PIK3R4: variants seen among roughly 807,000 people sequenced by gnomAD.
PIK3R4 encodes phosphoinositide 3-kinase regulatory subunit 4.
Under a neutral mutation model 136.5 loss-of-function variants are expected in PIK3R4, and 46 were observed. That is an observed-to-expected ratio of 0.34 (90% confidence interval 0.27 to 0.43). The LOEUF is 0.43. Ranked by LOEUF, PIK3R4 falls within the 20% of genes least tolerant of loss-of-function variation. The probability of loss-of-function intolerance (pLI) is 1.00; values close to 1 mark genes in which losing one functional copy is unlikely to be tolerated. For missense variants in PIK3R4, 1,331 were observed against 1,649.5 expected (o/e 0.81, Z 3.35); for synonymous variants, 557 against 566.7 (o/e 0.98, Z 0.24).
At chr3:130,745,832 G>T (rs2066849899) in intron 1 of PIK3R4, among the ~76,000 whole-genome samples, 1 of 152,158 alleles carries the variant, frequency 6.6e-6, no homozygotes, top group Admixed American at 6.5e-5. Context: ...GACGGGGCTG[G>T]CCAACATGGT....
At chr3:130,707,429 T>C (rs1039846265) in intron 10 of PIK3R4, among the ~76,000 whole-genome samples, 2 of 152,196 alleles carry the variant, frequency 1.3e-5, no homozygotes, top group East Asian at 3.8e-4. Flanking sequence ...ATCTAGTGAA[T>C]AGTAAGAAAA....
intron 2 of PIK3R4, among the ~76,000 whole-genome samples, chr3:130,742,748 C>T (rs1333789817): frequency 6.6e-6 from 1 of 152,072 alleles, no homozygotes; most frequent in Non-Finnish European, 1.5e-5. Context: ...AACCTACAAG[C>T]AAGAAAAAAA....
At chr3:130,736,528 G>T (rs576914769) in intron 2 of PIK3R4, among the ~76,000 whole-genome samples, 1 of 152,134 alleles carries the variant, frequency 6.6e-6, no homozygotes, top group Non-Finnish European at 1.5e-5. Flanking sequence ...AGGCTGCAAT[G>T]AGCCAAGATC....
At chr3:130,679,716 C>T (rs912294045) in intron 19 of PIK3R4, among the ~76,000 whole-genome samples, 8 of 152,100 alleles carry the variant, frequency 5.3e-5, no homozygotes, top group African/African-American at 1.4e-4. Flanking sequence ...GAAAACTTAT[C>T]TTAGGTCAAT....
At chr3:130,734,534 A>G (rs2066775567) in intron 3 of PIK3R4, among the ~76,000 whole-genome samples, 2 of 152,228 alleles carry the variant, frequency 1.3e-5, no homozygotes, top group Admixed American at 1.3e-4. Context: ...GGAATCACAG[A>G]ACCCCTAAAA....
intron 7 of PIK3R4, among the ~76,000 whole-genome samples, chr3:130,720,384 G>A (rs958826366): frequency 3.9e-4 from 59 of 152,158 alleles, no homozygotes; most frequent in African/African-American, 9.9e-4. Context: ...TAGTAGAGAC[G>A]GAGTTTCTCC....
At chr3:130,704,253 C>T (rs2066594916) in intron 12 of PIK3R4, among the ~76,000 whole-genome samples, 1 of 152,112 alleles carries the variant, frequency 6.6e-6, no homozygotes, top group Admixed American at 6.5e-5. Flanking sequence ...AAATAAAATA[C>T]GTTACTCTAA....
Position 130,735,790 on chromosome 3 carries a change from T to C in PIK3R4, c.867+79A>G, listed in dbSNP as rs1291726017. The C allele has an allele frequency of 2.3e-6, 3 of 1,300,386 alleles. No individual in the cohort carries two copies. The African/African-American group carries it at 4.4e-5, about 19-fold the overall frequency. The allele number at this position is 1,300,386 out of a possible 1,614,324, so 80.6% of individuals were successfully genotyped here. ...ACTGCTTGATTCCAAATTTACAACATTCCAGAAATCTGATTAAAGCAAAAG... is the reference window on the plus strand; with the variant it reads ...ACTGCTTGATTCCAAATTTACAACACTCCAGAAATCTGATTAAAGCAAAAG... On this transcript the variant is annotated intron_variant, in intron 3 of 19. Coordinates refer to ENST00000356763, the MANE Select transcript of PIK3R4 (RefSeq NM_014602.3).
intron 9 of PIK3R4, among the ~76,000 whole-genome samples, chr3:130,714,043 G>C (rs914719915): frequency 6.6e-6 from 1 of 152,140 alleles, no homozygotes; most frequent in Non-Finnish European, 1.5e-5. Context: ...GGCCAAGGCT[G>C]AAGAAACACT....
At chr3:130,685,514 C>A (rs1258480146) in intron 15 of PIK3R4, among the ~76,000 whole-genome samples, 1 of 152,144 alleles carries the variant, frequency 6.6e-6, no homozygotes, top group African/African-American at 2.4e-5. Flanking sequence ...CAGGTTGACT[C>A]TGAAAAGCCA....
At chr3:130,717,333 C>T (rs1346854413) in intron 8 of PIK3R4, among the ~76,000 whole-genome samples, 1 of 152,036 alleles carries the variant, frequency 6.6e-6, no homozygotes, top group Non-Finnish European at 1.5e-5. Flanking sequence ...AGCCTCTCAA[C>T]TTCTGATCCT....
chr3:130,688,830 G>T (rs1210430516), intron 14 of PIK3R4, among the ~76,000 whole-genome samples: 3 of 152,060 alleles, frequency 2.0e-5, no homozygotes, highest in African/African-American at 7.2e-5. Context: ...AAATATTTTA[G>T]GCTTTGTGAA....
chr3:130,723,679 A>G, intron 6 of PIK3R4, 92 bp from the exon 7 acceptor site: 1 of 1,008,280 alleles, frequency 9.9e-7, no homozygotes, highest in East Asian at 2.7e-5. Context: ...AAAGCCAAAC[A>G]TATTAATCAA....
At chr3:130,737,335 T>TTTAC (rs1410860723) in intron 2 of PIK3R4, among the ~76,000 whole-genome samples, 7 of 152,182 alleles carry the variant, frequency 4.6e-5, no homozygotes, top group Non-Finnish European at 8.8e-5. Context: ...TGCTGCTCTA[T>TTTAC]TTACAATGGG....
rs1409837719 is a variant in PIK3R4, at chr3:130,727,225, T to C, written c.1807+1238A>G. On this transcript the variant is annotated intron_variant, in intron 6 of 19. Coordinates refer to ENST00000356763, the MANE Select transcript of PIK3R4 (RefSeq NM_014602.3). The stretch of plus-strand genomic sequence containing the variant: ...TTATTGGGAACCAAAACTTAAAGTC[T>C]TTTTTTTTTTTTTGAGACGGAGTCT... Among the ~76,000 whole-genome samples, 36 of 136,972 alleles carry C rather than the reference T, an allele frequency of 2.6e-4. 1 individual carries two copies. Among genetic ancestry groups the C allele is most frequent in the Admixed American group, 1.8e-3 (25 of 13,966 alleles). The allele number at this position is 136,972 out of a possible 152,430, so 89.9% of individuals were successfully genotyped here. A position where few individuals can be genotyped will look rare whatever the true frequency, so the allele number is the denominator to read the frequency against.
chr3:130,684,442 T>C, intron 15 of PIK3R4, 61 bp from the exon 16 acceptor site: 2 of 1,429,420 alleles, frequency 1.4e-6, no homozygotes, highest in Non-Finnish European at 1.9e-6. Context: ...AAGCTGCATT[T>C]ATACAAATGA....
chr3:130,696,854 C>T (rs895937135), intron 13 of PIK3R4, among the ~76,000 whole-genome samples: 4 of 151,996 alleles, frequency 2.6e-5, no homozygotes, highest in Non-Finnish European at 4.4e-5. Flanking sequence ...ATTAAAGGCT[C>T]CCACTATTAT....
intron 2 of PIK3R4, among the ~76,000 whole-genome samples, chr3:130,741,547 C>T (rs947293534): frequency 1.3e-5 from 2 of 152,126 alleles, no homozygotes; most frequent in Non-Finnish European, 2.9e-5. Flanking sequence ...TTGTTTAAAT[C>T]GTCACTATCA....
chr3:130,714,076 C>A (rs140180515), intron 9 of PIK3R4, among the ~76,000 whole-genome samples: 40 of 152,268 alleles, frequency 2.6e-4, no homozygotes, highest in African/African-American at 9.1e-4. Flanking sequence ...ATTTTTACTG[C>A]ACATTGAAAT....
Sources: allele counts gnomAD v4.1 joint callset (sites outside exome capture counted in the v4.1 genomes callset), GRCh38; gene constraint gnomAD v4.1.1; transcripts MANE v1.5; gene names NCBI Gene and HGNC (gene_info 2026-07-23, HGNC 2026-07-21).